The following ENKUR variants were observed in gnomAD, a reference collection of about 807,000 sequenced individuals.
ENKUR encodes the protein enkurin, TRPC channel interacting protein.
Under a neutral mutation model 27.6 loss-of-function variants are expected in ENKUR, and 19 were observed. The observed-to-expected ratio is 0.69, with a 90% CI of 0.48 to 1.01. ENKUR has a LOEUF of 1.01. Among genes scored for constraint, ENKUR ranks in the 50% least tolerant of loss-of-function variants. ENKUR has a pLI of 0.00. For missense variants in ENKUR, 312 were observed against 310.5 expected (o/e 1.00, Z -0.04); for synonymous variants, 117 against 96.9 (o/e 1.21, Z -1.22).
At chr10:25,051,628 G>C (rs1258362482) in intron 2 of ENKUR, among the ~76,000 whole-genome samples, 1 of 152,188 alleles carries the variant, frequency 6.6e-6, no homozygotes, top group Non-Finnish European at 1.5e-5. Context: ...CAAGCAGATG[G>C]TGCTAAACCA....
chr10:25,024,725 C>G (rs755877671), intron 2 of ENKUR: 20 of 1,613,984 alleles, frequency 1.2e-5, no homozygotes, highest in Non-Finnish European at 1.5e-5. Context: ...TTTGGAAGCC[C>G]AGTCGATGTC....
intron 2 of ENKUR, among the ~76,000 whole-genome samples, chr10:25,054,458 T>TTTCC: frequency 3.6e-5 from 1 of 27,562 alleles, no homozygotes; most frequent in Non-Finnish European, 7.2e-5. Context: ...TTTTTTCTCT[T>TTTCC]TTCTTTCTTT....
chr10:25,031,198 A>G (rs1850930216), intron 2 of ENKUR, among the ~76,000 whole-genome samples: 1 of 152,256 alleles, frequency 6.6e-6, no homozygotes, highest in Non-Finnish European at 1.5e-5. Flanking sequence ...CCTCACATCA[A>G]CAAATGAAAT....
rs571246623 is a variant in ENKUR, at chr10:24,983,710, C to T, written c.*660G>A. On this transcript the variant is annotated 3_prime_UTR_variant, in exon 6 of 6. Transcript: ENST00000331161. ...GTGTTTGTGAAAAAAGCCTGAAAGA[C>T]TCCCATATTTTGTTTTTTATGTTGT... 4.3e-4 allele frequency: 65 copies of T among 152,250 alleles called. No individual in the cohort carries two copies. The highest frequency in any genetic ancestry group is 1.4e-3 in the African/African-American group (60 of 41,546). 9.4% of individuals were successfully genotyped at this position (152,250 alleles called of 1,614,324 possible).
At chr10:25,010,352 C>T (rs557537465) in intron 1 of ENKUR, among the ~76,000 whole-genome samples, 71 of 152,138 alleles carry the variant, frequency 4.7e-4, no homozygotes, top group Admixed American at 3.9e-3. Flanking sequence ...AATTTCTAAG[C>T]GGCAAAACAT....
intron 2 of ENKUR, chr10:25,023,820 T>C: frequency 1.9e-6 from 3 of 1,614,216 alleles, no homozygotes; most frequent in Non-Finnish European, 2.5e-6. Context: ...GGTATGATGC[T>C]CGTGTTTTCT....
chr10:25,022,055 G>T (rs898222669), intron 2 of ENKUR: 1 of 152,036 alleles, frequency 6.6e-6, no homozygotes, highest in East Asian at 1.9e-4. Context: ...TGGTTTAGTT[G>T]CATATTGCTT....
At position 25,025,310 on chromosome 10, in the gene ENKUR, G is replaced by T. The variant is rs1850827029; in HGVS notation, c.38-29441C>A. The T allele has an allele frequency of 1.2e-6, 2 of 1,614,156 alleles. No individual in the cohort carries two copies. The highest frequency in any genetic ancestry group is 4.5e-5 in the East Asian group (2 of 44,888). On this transcript the variant is annotated intron_variant, in intron 2 of 5. Coordinates refer to the ENKUR transcript ENST00000615958. ...TCATCAAGTCAGCTCTATTTGCTGG[G>T]TTCATACAATGCATTACCTCCACTG...
At chr10:25,010,116 T>A (rs1850407668) in intron 1 of ENKUR, among the ~76,000 whole-genome samples, 1 of 152,150 alleles carries the variant, frequency 6.6e-6, no homozygotes, top group Non-Finnish European at 1.5e-5. Context: ...AGTTTGGAGC[T>A]TCCTAGAGAC....
At chr10:24,990,701 G>T in intron 3 of ENKUR, 92 bp from the exon 4 acceptor site, 2 of 1,265,790 alleles carry the variant, frequency 1.6e-6, no homozygotes, top group South Asian at 1.6e-5. Flanking sequence ...AAAAAGAAAT[G>T]GTACAGACTA....
At chr10:24,992,803 A>G (rs1849954420) in intron 3 of ENKUR, among the ~76,000 whole-genome samples, 1 of 152,220 alleles carries the variant, frequency 6.6e-6, no homozygotes, top group Non-Finnish European at 1.5e-5. Flanking sequence ...TGTGTTCTGG[A>G]AGCTGCAGAG....
chr10:24,986,082 A>G (rs1849773140), intron 4 of ENKUR, among the ~76,000 whole-genome samples: 1 of 152,140 alleles, frequency 6.6e-6, no homozygotes, highest in Non-Finnish European at 1.5e-5. Flanking sequence ...AACAAAAACA[A>G]AACCAAAACT....
intron 2 of ENKUR, among the ~76,000 whole-genome samples, chr10:25,027,412 C>G (rs567061357): frequency 7.0e-6 from 1 of 141,922 alleles, no homozygotes; most frequent in Admixed American, 7.4e-5. Flanking sequence ...TGGCGCATGC[C>G]TGTAGTCCCA....
intron 2 of ENKUR, among the ~76,000 whole-genome samples, chr10:25,041,018 G>A (rs1314239112): frequency 6.6e-6 from 1 of 152,020 alleles, no homozygotes; most frequent in African/African-American, 2.4e-5. Context: ...ATAATATATT[G>A]AACCCTTCCT....
intron 2 of ENKUR, among the ~76,000 whole-genome samples, chr10:25,041,688 A>T (rs531145271): frequency 6.6e-6 from 1 of 152,174 alleles, no homozygotes; most frequent in East Asian, 1.9e-4. Flanking sequence ...CCCCATTCTT[A>T]TGAGCTCACC....
At chr10:25,043,605 C>T (rs972068918) in intron 2 of ENKUR, among the ~76,000 whole-genome samples, 1 of 152,032 alleles carries the variant, frequency 6.6e-6, no homozygotes, top group African/African-American at 2.4e-5. Flanking sequence ...GTTAGCTGAG[C>T]TTCCTGGATC....
intron 2 of ENKUR, among the ~76,000 whole-genome samples, chr10:24,996,655 C>A (rs1850066021): frequency 6.6e-6 from 1 of 152,142 alleles, no homozygotes; most frequent in South Asian, 2.1e-4. Context: ...AATGCCTTTT[C>A]CAATTTTAAC....
intron 2 of ENKUR, among the ~76,000 whole-genome samples, chr10:25,054,514 C>T (rs201328662): frequency 0.13 from 3,342 of 25,820 alleles, 51 homozygotes; most frequent in Non-Finnish European, 0.18. Flanking sequence ...TCTTTCTTTC[C>T]TTTCTTTCTT....
At chr10:25,005,252 T>A (rs1437937353) in intron 1 of ENKUR, among the ~76,000 whole-genome samples, 1 of 152,208 alleles carries the variant, frequency 6.6e-6, no homozygotes, top group African/African-American at 2.4e-5. Context: ...GGGCTAAAGA[T>A]AAGTTATTCT....
Sources: gnomAD v4.1 joint callset for allele counts (sites outside exome capture counted in the v4.1 genomes callset) on GRCh38, gnomAD v4.1.1 for gene constraint, MANE v1.5 for transcripts, NCBI Gene and HGNC (gene_info 2026-07-23, HGNC 2026-07-21) for gene names.